Variants in DPH6 observed in about 807,000 individuals in gnomAD.
The protein encoded by DPH6 is diphthine--ammonia ligase.
Under a neutral mutation model 38.2 loss-of-function variants are expected in DPH6, and 33 were observed. The observed-to-expected ratio is 0.86, with a 90% confidence interval of 0.65 to 1.15. The LOEUF (loss-of-function observed/expected upper bound fraction) is 1.15. Ranked by LOEUF, DPH6 falls within the 50% of genes most tolerant of loss-of-function variation. The pLI is 0.00. For synonymous variants in DPH6, 108 were observed against 103.0 expected (o/e 1.05, Z -0.30); for missense variants, 325 against 320.0 (o/e 1.02, Z -0.12).
chr15:35,254,761 A>C (rs2051696182), intron 3 of DPH6, among the ~76,000 whole-genome samples: 1 of 152,176 alleles, frequency 6.6e-6, no homozygotes, highest in African/African-American at 2.4e-5. Flanking sequence ...CTGAGTCCGA[A>C]AAGAGAGTCA....
chr15:35,165,791 T>A, the DPH6 span, among the ~76,000 whole-genome samples: 1 of 151,954 alleles, frequency 6.6e-6, no homozygotes, highest in Non-Finnish European at 1.5e-5. Flanking sequence ...TAGTATATAA[T>A]TCTGAACAAC....
At chr15:35,237,411 C>G (rs981683733) in intron 3 of DPH6, 1 of 1,605,176 alleles carries the variant, frequency 6.2e-7, no homozygotes, top group Non-Finnish European at 8.5e-7. Flanking sequence ...AACAGTCGGT[C>G]GAATGAAGGC....
chr15:35,436,372 A>G (rs954939047), intron 5 of DPH6, among the ~76,000 whole-genome samples: 1 of 151,980 alleles, frequency 6.6e-6, no homozygotes, highest in Non-Finnish European at 1.5e-5. Context: ...AGGCTGAGGC[A>G]GGAGAATGGC....
chr15:35,428,651 C>T (rs928170097), intron 5 of DPH6, among the ~76,000 whole-genome samples: 2 of 152,156 alleles, frequency 1.3e-5, no homozygotes, highest in Admixed American at 6.5e-5. Flanking sequence ...ATAACTTCCA[C>T]TTGCTCTTTG....
intron 3 of DPH6, among the ~76,000 whole-genome samples, chr15:35,513,564 T>C (rs937606375): frequency 3.9e-5 from 6 of 152,146 alleles, no homozygotes; most frequent in South Asian, 2.1e-4. Context: ...ATTTTTACTA[T>C]GCAAAAGTAT....
rs1555390826 is a variant in DPH6, at chr15:35,279,068, A to AAATATAT, written n.201-58487_201-58486insATATATT. 2.4e-4 allele frequency among the ~76,000 whole-genome samples: 25 copies of AAATATAT among 102,968 alleles called. 1 individual carries two copies. The East Asian group carries it at 7.1e-3, about 29-fold the overall frequency. 67.6% of individuals were successfully genotyped at this position (102,968 alleles called of 152,430 possible). ...TGTCTCAAAAAAAAAAAAAAAAAAA[A>AAATATAT]ATATATATATATATATAATTTTGGA... On this transcript the variant is annotated intron_variant and non_coding_transcript_variant, in intron 3 of 3. Transcript: ENST00000560386.
intron 3 of DPH6, among the ~76,000 whole-genome samples, chr15:35,491,562 C>T (rs1225875402): frequency 6.6e-6 from 1 of 150,818 alleles, no homozygotes; most frequent in African/African-American, 2.4e-5. Flanking sequence ...CACACACACA[C>T]ACACACACAC....
chr15:35,331,246 G>A (rs2052325064), intron 3 of DPH6, among the ~76,000 whole-genome samples: 1 of 152,170 alleles, frequency 6.6e-6, no homozygotes, highest in Non-Finnish European at 1.5e-5. Flanking sequence ...TTATCACTGG[G>A]TTTTAATAAG....
chr15:35,154,308 AT>A, the DPH6 span, among the ~76,000 whole-genome samples: 1 of 149,334 alleles, frequency 6.7e-6, no homozygotes, highest in Non-Finnish European at 1.5e-5. Flanking sequence ...TACAATTACA[AT>A]GTGTTAATTA....
At chr15:35,395,105 G>A (rs936747696) in intron 6 of DPH6, among the ~76,000 whole-genome samples, 26 of 152,128 alleles carry the variant, frequency 1.7e-4, no homozygotes, top group African/African-American at 6.3e-4. Flanking sequence ...CTTGTTCTCT[G>A]CAGAAATAAA....
chr15:35,291,296 C>T (rs1163395662), intron 3 of DPH6, among the ~76,000 whole-genome samples: 3 of 152,066 alleles, frequency 2.0e-5, no homozygotes, highest in Non-Finnish European at 4.4e-5. Flanking sequence ...CTTTTAGACA[C>T]ATTTGACTTA....
chr15:35,425,177 G>C (rs978786031), intron 5 of DPH6, among the ~76,000 whole-genome samples: 4 of 151,408 alleles, frequency 2.6e-5, no homozygotes, highest in African/African-American at 9.7e-5. Context: ...ATAAATGTTG[G>C]GCTCTCAGCT....
At chr15:35,255,054 T>C (rs1345334479) in intron 3 of DPH6, among the ~76,000 whole-genome samples, 1 of 152,176 alleles carries the variant, frequency 6.6e-6, no homozygotes, top group Non-Finnish European at 1.5e-5. Context: ...TCTGGATGTA[T>C]ACGTGCAAGC....
chr15:35,333,446 GA>G (rs1338253823), intron 3 of DPH6, among the ~76,000 whole-genome samples: 4 of 152,118 alleles, frequency 2.6e-5, no homozygotes, highest in Non-Finnish European at 4.4e-5. Flanking sequence ...ACTCCAGTAG[GA>G]AAAAGGGTTG....
At chr15:35,317,297 GAAGGA>G (rs2052199207) in intron 3 of DPH6, among the ~76,000 whole-genome samples, 1 of 142,448 alleles carries the variant, frequency 7.0e-6, no homozygotes, top group Non-Finnish European at 1.5e-5. Context: ...GAGAAAGAAA[GAAGGA>G]AAGAGAGAAA....
In DPH6 at chr15:35,240,722, C is replaced by T. The variant is rs957239420; in HGVS notation, n.201-20140G>A. Among the ~76,000 whole-genome samples, 9 of 143,712 alleles carry T rather than the reference C, an allele frequency of 6.3e-5. 3 individuals carry two copies. The highest frequency in any genetic ancestry group is 3.0e-4 in the Admixed American group (4 of 13,322). The allele number at this position is 143,712 out of a possible 152,430, so 94.3% of individuals were successfully genotyped here. A position where few individuals can be genotyped will look rare whatever the true frequency, so the allele number is the denominator to read the frequency against. ...TAAAAACCCAGCCCAGTTCATGGCT[C>T]GTTCGGCAGCAGCCCTGAGACGCTT... On this transcript the variant is annotated intron_variant and non_coding_transcript_variant, in intron 3 of 3. Coordinates refer to the DPH6 transcript ENST00000560386.
chr15:35,279,711 G>C (rs2051885925), intron 3 of DPH6, among the ~76,000 whole-genome samples: 1 of 152,054 alleles, frequency 6.6e-6, no homozygotes, highest in African/African-American at 2.4e-5. Flanking sequence ...CCAGCACCGT[G>C]CTTCCTGTGC....
chr15:35,269,733 G>A (rs992138400), intron 3 of DPH6, among the ~76,000 whole-genome samples: 22 of 148,362 alleles, frequency 1.5e-4, no homozygotes, highest in African/African-American at 3.5e-4. Flanking sequence ...CACCGCGCCC[G>A]GCCAGGACTT....
At chr15:35,502,226 T>C (rs1189151648) in intron 3 of DPH6, among the ~76,000 whole-genome samples, 1 of 151,958 alleles carries the variant, frequency 6.6e-6, no homozygotes, top group East Asian at 1.9e-4. Flanking sequence ...TGAAGTACTC[T>C]GAGTTGAAAA....
Sources: allele counts gnomAD v4.1 joint callset (sites outside exome capture counted in the v4.1 genomes callset), GRCh38; gene constraint gnomAD v4.1.1; transcripts MANE v1.5; gene names NCBI Gene and HGNC (gene_info 2026-07-23, HGNC 2026-07-21).